Variants in SOS1 observed in about 807,000 individuals in gnomAD.
SOS1 encodes the protein SOS Ras/Rac guanine nucleotide exchange factor 1, also known as son of sevenless homolog 1.
SOS1 carries 25 observed loss-of-function variants against 157.6 expected under a neutral mutation model. The ratio of observed to expected loss-of-function variants is 0.16; its 90% CI spans 0.12 to 0.22. The LOEUF (loss-of-function observed/expected upper bound fraction) is 0.22. SOS1 is among the 10% of genes least tolerant of loss of function. The pLI is 1.00. For synonymous variants in SOS1, 528 were observed against 534.0 expected, an observed-to-expected ratio of 0.99 and a Z score of 0.16; for missense variants, 1,237 against 1,599.1, an observed-to-expected ratio of 0.77 and a Z score of 3.86.
rs576995443 is a variant in SOS1 at position 39,072,709 on chromosome 2, TCAAA to T, written c.88-4960_88-4957del. 2.1e-3 allele frequency among the ~76,000 whole-genome samples: 316 copies of T among 152,252 alleles called. 4 individuals are homozygous for T. Among genetic ancestry groups the T allele is most frequent in the African/African-American group, 6.3e-3 (261 of 41,566 alleles). On this transcript the variant is annotated intron_variant, in intron 1 of 22. Coordinates refer to ENST00000402219, the MANE Select transcript of SOS1 (RefSeq NM_005633.4). The stretch of plus-strand genomic sequence containing the variant: ...ATCCAAATAAGAACTATTAAATAAA[TCAAA>T]CAAAGAATTAGCTTAAACAGAAAAT...
chr2:39,102,971 T>TA (rs898719993), intron 1 of SOS1, among the ~76,000 whole-genome samples: 4 of 149,702 alleles, frequency 2.7e-5, no homozygotes, highest in Admixed American at 6.7e-5. Context: ...ATAAATAACT[T>TA]AAAAAAAAAA....
At chr2:39,121,419 A>T (rs753547480), upstream of SOS1, among the ~76,000 whole-genome samples, 7 of 152,210 alleles carry the variant, frequency 4.6e-5, no homozygotes, top group Non-Finnish European at 4.4e-5. Context: ...AACAGACTGG[A>T]CAAAAGACAG....
intron 1 of SOS1, among the ~76,000 whole-genome samples, chr2:39,096,810 C>A (rs1036244936): frequency 1.3e-5 from 2 of 151,600 alleles, no homozygotes; most frequent in Non-Finnish European, 2.9e-5. Flanking sequence ...GGTGTAAACC[C>A]AGGAGGTGGA....
chr2:39,121,133 G>A (rs919711824), upstream of SOS1: 7 of 153,286 alleles, frequency 4.6e-5, no homozygotes, highest in South Asian at 1.9e-4. Context: ...GAGAGAGAAA[G>A]AGAGAGAGAG....
In SOS1 at chr2:39,046,124, TTTATC is replaced by T. The variant is rs531207258; in HGVS notation, c.864+5015_864+5019del. ...GTTGGATTTTTTTATATCATATCAT[TTTATC>T]TTATCATTGTTTTTGTTTGCTTCAT... On this transcript the variant is annotated intron_variant, in intron 6 of 22. Coordinates refer to ENST00000402219, the MANE Select transcript of SOS1 (RefSeq NM_005633.4). Among the ~76,000 whole-genome samples, 11 of 152,336 alleles carry T rather than the reference TTTATC, an allele frequency of 7.2e-5. No homozygotes were observed. In the South Asian group the frequency reaches 2.3e-3, roughly 32 times the overall value.
At chr2:39,113,272 C>T (rs1274333495) in intron 1 of SOS1, among the ~76,000 whole-genome samples, 1 of 152,042 alleles carries the variant, frequency 6.6e-6, no homozygotes, top group Non-Finnish European at 1.5e-5. Context: ...CTCACTGCAG[C>T]CTCAAACACC....
Position 39,120,474 on chromosome 2 carries a change from A to T in SOS1, c.-52T>A. ...GGAGAGGGGCGGCGGCGGCCGGGCC[A>T]GGGAGCCGCGAGAGGGCGAGCTCGC... On this transcript the variant is annotated 5_prime_UTR_variant, in exon 1 of 23. Coordinates refer to ENST00000402219, the MANE Select transcript of SOS1 (RefSeq NM_005633.4). The T allele has an allele frequency of 6.8e-7, 1 of 1,481,254 alleles. No homozygotes were observed. Among genetic ancestry groups the T allele is most frequent in the Non-Finnish European group, 9.0e-7 (1 of 1,114,710 alleles). 91.8% of individuals were successfully genotyped at this position (1,481,254 alleles called of 1,614,324 possible). A position where few individuals can be genotyped will look rare whatever the true frequency, so the allele number is the denominator to read the frequency against.
intron 15 of SOS1, 177 bp from the exon 16 acceptor site, chr2:39,007,370 A>G: frequency 1.7e-6 from 1 of 603,210 alleles, no homozygotes; most frequent in South Asian, 2.0e-5. Flanking sequence ...CCAGTCAGGC[A>G]TACTGCTCTT....
At chr2:39,121,395 C>T (rs765849406), upstream of SOS1, among the ~76,000 whole-genome samples, 4 of 152,142 alleles carry the variant, frequency 2.6e-5, no homozygotes, top group Non-Finnish European at 5.9e-5. Context: ...GCCCAGAGCA[C>T]GCAATGTATA....
intron 1 of SOS1, among the ~76,000 whole-genome samples, chr2:39,117,028 C>CTT (rs530087122): frequency 4.3e-5 from 6 of 138,574 alleles, no homozygotes; most frequent in Non-Finnish European, 4.7e-5. Context: ...ATGTCATTTA[C>CTT]TTTTTTTTTT....
At chr2:39,106,590 C>CAA (rs775720230) in intron 1 of SOS1, among the ~76,000 whole-genome samples, 757 of 31,058 alleles carry the variant, frequency 0.024, 52 homozygotes, top group African/African-American at 0.064. Context: ...GACTCCGTCT[C>CAA]AAAAAAAAAA....
At chr2:39,046,655 C>A (rs1474838460) in intron 6 of SOS1, among the ~76,000 whole-genome samples, 3 of 152,010 alleles carry the variant, frequency 2.0e-5, no homozygotes, top group Admixed American at 6.6e-5. Flanking sequence ...CAGGTGCGCA[C>A]CACCACACCT....
At position 39,001,272 on chromosome 2, in the gene SOS1, AG is replaced by A. The variant is rs1316607797; in HGVS notation, c.2792-3848del. Among the ~76,000 whole-genome samples the A allele has an allele frequency of 2.6e-5, 4 of 152,342 alleles. No individual in the cohort carries two copies. The East Asian group carries it at 7.7e-4, about 29-fold the overall frequency. ...GGGATGGGGTTTTGCCATGTTGGCCAGGCTGGTCTTGAACTCCTGGCCCTAA... is the reference window on the plus strand; with the variant it reads ...GGGATGGGGTTTTGCCATGTTGGCCAGCTGGTCTTGAACTCCTGGCCCTAA... On this transcript the variant is annotated intron_variant, in intron 17 of 22. Coordinates refer to ENST00000402219, the MANE Select transcript of SOS1 (RefSeq NM_005633.4).
At chr2:39,069,486 G>T (rs777666698) in intron 1 of SOS1, among the ~76,000 whole-genome samples, 26 of 152,132 alleles carry the variant, frequency 1.7e-4, no homozygotes, top group Non-Finnish European at 2.5e-4. Flanking sequence ...AAATAGCATT[G>T]TAACAATCCA....
rs1371582138 is a variant in SOS1 at position 38,995,241 on chromosome 2, T to C, written c.3228A>G (p.Thr1076=). 1 of 1,614,128 alleles carries C rather than the reference T, an allele frequency of 6.2e-7. No homozygotes were observed. Among genetic ancestry groups the C allele is most frequent in the Non-Finnish European group, 8.5e-7 (1 of 1,179,968 alleles). Residue 1076 remains threonine, a synonymous_variant, in exon 20 of 23, where the codon ACA becomes ACG. Transcript: ENST00000402219. Reference sequence around the variant, plus strand: ...TTCTTGGAGAATTTGGTGCAGATGCTGTACTTTCTGTTTCACTTTCAGGGA... The same window carrying C: ...TTCTTGGAGAATTTGGTGCAGATGCCGTACTTTCTGTTTCACTTTCAGGGA... ...SRIPESETES[T]ASAPNSPRTP... is the part of the protein sequence containing the mutation.
chr2:39,113,295 A>G (rs1212210882), intron 1 of SOS1, among the ~76,000 whole-genome samples: 2 of 151,888 alleles, frequency 1.3e-5, no homozygotes, highest in African/African-American at 2.4e-5. Flanking sequence ...AGCTCAAGCA[A>G]TCTTCCCACT....
chr2:39,068,545 CGCATATTACAA>C (rs1470598549), intron 1 of SOS1, among the ~76,000 whole-genome samples: 2 of 152,150 alleles, frequency 1.3e-5, no homozygotes, highest in African/African-American at 4.8e-5. Context: ...TGTGCAGGCA[CGCATATTACAA>C]GCTTGATAAA....
upstream of SOS1, among the ~76,000 whole-genome samples, chr2:39,123,240 T>A (rs1197741432): frequency 6.6e-6 from 1 of 152,230 alleles, no homozygotes; most frequent in African/African-American, 2.4e-5. Flanking sequence ...ATTTCTACCT[T>A]ATGTTCTTTT....
intron 10 of SOS1, among the ~76,000 whole-genome samples, chr2:39,020,417 C>T (rs1168185081): frequency 6.6e-6 from 1 of 151,570 alleles, no homozygotes; most frequent in Admixed American, 6.6e-5. Flanking sequence ...TGTATTATAT[C>T]CAATGTCTTT....
Sources: gnomAD v4.1 joint callset for allele counts (sites outside exome capture counted in the v4.1 genomes callset) on GRCh38, gnomAD v4.1.1 for gene constraint, MANE v1.5 for transcripts, NCBI Gene and HGNC (gene_info 2026-07-23, HGNC 2026-07-21) for gene names.